PTER: variants seen among roughly 807,000 people sequenced by gnomAD.
The protein encoded by PTER is phosphotriesterase related.
A neutral mutation model predicts 29.6 loss-of-function variants in PTER; 38 were observed. The ratio of observed to expected loss-of-function variants is 1.28; its 90% CI spans 0.99 to 1.68. The LOEUF is 1.68. Among genes scored for constraint, PTER ranks in the 40% most tolerant of loss-of-function variants. PTER has a pLI of 0.00. For missense variants in PTER, 482 were observed against 427.8 expected, an observed-to-expected ratio of 1.13 and a Z score of -1.12; for synonymous variants, 172 against 154.5, an observed-to-expected ratio of 1.11 and a Z score of -0.84.
At chr10:16,497,084 G>A (rs547045372) in intron 3 of PTER, among the ~76,000 whole-genome samples, 2 of 152,128 alleles carry the variant, frequency 1.3e-5, no homozygotes, top group African/African-American at 2.4e-5. Flanking sequence ...ACAGGTGCCT[G>A]CCACCATGCC....
chr10:16,449,357 G>C (rs1834123795), intron 1 of PTER, among the ~76,000 whole-genome samples: 1 of 151,038 alleles, frequency 6.6e-6, no homozygotes, highest in Admixed American at 6.6e-5. Flanking sequence ...CTGTATTTCA[G>C]ACCTGAGCTA....
intron 1 of PTER, among the ~76,000 whole-genome samples, chr10:16,480,415 C>G (rs1001929495): frequency 7.2e-5 from 11 of 151,894 alleles, no homozygotes; most frequent in Admixed American, 3.3e-4. Context: ...AGGCTGGTCT[C>G]GAACTCCTGG....
chr10:16,490,479 C>A (rs1835858243), intron 3 of PTER, among the ~76,000 whole-genome samples: 1 of 152,034 alleles, frequency 6.6e-6, no homozygotes, highest in Admixed American at 6.6e-5. Flanking sequence ...CAAGCTCTGT[C>A]TTACTTGGTT....
At chr10:16,481,857 C>G (rs1835492521) in intron 1 of PTER, among the ~76,000 whole-genome samples, 1 of 152,120 alleles carries the variant, frequency 6.6e-6, no homozygotes, top group African/African-American at 2.4e-5. Context: ...GCAAATTAAC[C>G]CATATGGAAG....
intron 3 of PTER, among the ~76,000 whole-genome samples, chr10:16,497,352 C>G (rs767547313): frequency 6.7e-6 from 1 of 150,054 alleles, no homozygotes; most frequent in East Asian, 2.0e-4. Context: ...ATTCTTCGTT[C>G]GCAATACTGT....
chr10:16,484,148 G>A (rs879469823), intron 1 of PTER, among the ~76,000 whole-genome samples, 189 bp from the exon 2 acceptor site: 19 of 152,078 alleles, frequency 1.2e-4, no homozygotes, highest in African/African-American at 4.1e-4. Flanking sequence ...TTAACACCAC[G>A]CACGTCACTT....
downstream of PTER, chr10:16,514,139 G>A: frequency 2.5e-6 from 1 of 397,852 alleles, no homozygotes; most frequent in Non-Finnish European, 4.4e-6. Context: ...TAATAAGCAG[G>A]TAAACTCACA....
chr10:16,508,434 G>A (rs902926809), intron 4 of PTER, among the ~76,000 whole-genome samples: 22 of 151,876 alleles, frequency 1.4e-4, no homozygotes, highest in Admixed American at 3.9e-4. Flanking sequence ...TTCCTTTTCC[G>A]AAGCCCCTTT....
chr10:16,507,501 G>A (rs1836621824), intron 4 of PTER, among the ~76,000 whole-genome samples: 1 of 152,142 alleles, frequency 6.6e-6, no homozygotes, highest in South Asian at 2.1e-4. Flanking sequence ...AGTTGAATAA[G>A]GCACACTGGG....
At chr10:16,449,814 C>T (rs74127518) in intron 1 of PTER, among the ~76,000 whole-genome samples, 4,162 of 152,070 alleles carry the variant, frequency 0.027, 178 homozygotes, top group African/African-American at 0.094. Flanking sequence ...GTGACTAATC[C>T]ACTCTAGCAT....
intron 1 of PTER, among the ~76,000 whole-genome samples, chr10:16,480,680 A>G (rs1200290865): frequency 1.3e-5 from 2 of 152,142 alleles, no homozygotes; most frequent in African/African-American, 2.4e-5. Flanking sequence ...ACCCTCTGCA[A>G]TTCAAAATGC....
chr10:16,509,079 C>T (rs979821859), intron 4 of PTER, among the ~76,000 whole-genome samples: 1 of 152,150 alleles, frequency 6.6e-6, no homozygotes, highest in African/African-American at 2.4e-5. Context: ...TATTTGTTTG[C>T]AAACACTAAC....
At chr10:16,464,957 G>C (rs957120361) in intron 1 of PTER, among the ~76,000 whole-genome samples, 1 of 152,218 alleles carries the variant, frequency 6.6e-6, no homozygotes, top group Non-Finnish European at 1.5e-5. Context: ...ACAGGGAAGA[G>C]AGAACTCGTG....
chr10:16,491,362 G>A (rs528915744), intron 3 of PTER, among the ~76,000 whole-genome samples: 1 of 152,306 alleles, frequency 6.6e-6, no homozygotes, highest in South Asian at 2.1e-4. Context: ...GGCATTGTTA[G>A]CTCTTTGAAG....
intron 1 of PTER, among the ~76,000 whole-genome samples, chr10:16,470,075 A>G (rs1156573451): frequency 6.6e-6 from 1 of 152,106 alleles, no homozygotes; most frequent in Non-Finnish European, 1.5e-5. Flanking sequence ...ATCTTAGCAG[A>G]ACTGTGTATG....
chr10:16,437,634 T>G (rs1833698227), intron 1 of PTER: 1 of 152,100 alleles, frequency 6.6e-6, no homozygotes, highest in African/African-American at 2.4e-5. Context: ...CTATATTTTT[T>G]GACAGTTTAT....
At chr10:16,498,126 A>G (rs997046703) in intron 3 of PTER, among the ~76,000 whole-genome samples, 4 of 152,258 alleles carry the variant, frequency 2.6e-5, no homozygotes, top group East Asian at 3.8e-4. Flanking sequence ...TGACATTGCA[A>G]TCATTTCATC....
chr10:16,485,522 G>T (rs909557115), intron 2 of PTER, among the ~76,000 whole-genome samples: 7 of 152,132 alleles, frequency 4.6e-5, no homozygotes, highest in African/African-American at 1.7e-4. Flanking sequence ...CTGCATGACA[G>T]GCATAGGGTG....
At chr10:16,459,362 C>T (rs890005540) in intron 1 of PTER, among the ~76,000 whole-genome samples, 1 of 152,152 alleles carries the variant, frequency 6.6e-6, no homozygotes, top group African/African-American at 2.4e-5. Context: ...CAGGGTGGGT[C>T]TATAGTAAAT....
Sources: gnomAD v4.1 joint callset for allele counts (sites outside exome capture counted in the v4.1 genomes callset) on GRCh38, gnomAD v4.1.1 for gene constraint, MANE v1.5 for transcripts, NCBI Gene and HGNC (gene_info 2026-07-23, HGNC 2026-07-21) for gene names.